The following RAB38 variants were observed in gnomAD, a reference collection of about 807,000 sequenced individuals.
RAB38 encodes the protein ras-related protein Rab-38.
Under a neutral mutation model 18.4 loss-of-function variants are expected in RAB38, and 15 were observed. That is an observed-to-expected ratio of 0.82 (90% confidence interval 0.55 to 1.26). RAB38 has a LOEUF of 1.26. Ranked by LOEUF, RAB38 falls within the 50% of genes most tolerant of loss-of-function variation. RAB38 has a pLI of 0.00. For synonymous variants in RAB38, 101 were observed against 104.4 expected (o/e 0.97, Z 0.20); for missense variants, 294 against 267.4 (o/e 1.10, Z -0.69).
At chr11:88,025,820 GCTGT>G in the RAB38 span, among the ~76,000 whole-genome samples, 306 of 152,192 alleles carry the variant, frequency 2.0e-3, 1 homozygote, top group East Asian at 0.028. Flanking sequence ...CATTCTGTAG[GCTGT>G]CTGTTTACTC....
the RAB38 span, among the ~76,000 whole-genome samples, chr11:87,807,063 G>A: frequency 2.2e-4 from 34 of 152,130 alleles, no homozygotes; most frequent in East Asian, 9.7e-4. Context: ...TCATAGGAGC[G>A]CGAACTCTAT....
the RAB38 span, among the ~76,000 whole-genome samples, chr11:87,855,784 C>T: frequency 6.6e-6 from 1 of 151,716 alleles, no homozygotes; most frequent in East Asian, 1.9e-4. Context: ...ATTTTTGTAT[C>T]ATTTTTATAT....
the RAB38 span, among the ~76,000 whole-genome samples, chr11:87,836,111 T>G: frequency 2.6e-5 from 4 of 152,200 alleles, no homozygotes; most frequent in African/African-American, 4.8e-5. Context: ...GGAATGCTAA[T>G]GAGCAGATTC....
At chr11:88,152,684 A>ATTC (rs1943078093) in intron 1 of RAB38, among the ~76,000 whole-genome samples, 13 of 152,198 alleles carry the variant, frequency 8.5e-5, no homozygotes, top group Admixed American at 3.3e-4. Flanking sequence ...AATGAGAACC[A>ATTC]TGTGACTCAG....
chr11:88,036,743 A>T, the RAB38 span, among the ~76,000 whole-genome samples: 54 of 152,144 alleles, frequency 3.5e-4, no homozygotes, highest in African/African-American at 1.1e-3. Flanking sequence ...TTTACTTGAG[A>T]ACTATTAATA....
At chr11:87,924,556 A>G in the RAB38 span, among the ~76,000 whole-genome samples, 1 of 152,020 alleles carries the variant, frequency 6.6e-6, no homozygotes, top group Admixed American at 6.6e-5. Context: ...CGACCTTATT[A>G]TGATGGAGGA....
the RAB38 span, among the ~76,000 whole-genome samples, chr11:87,917,537 T>G: frequency 2.4e-4 from 36 of 151,062 alleles, no homozygotes; most frequent in African/African-American, 8.0e-4. Flanking sequence ...GTGTTTTTTT[T>G]TTTTTTTTTT....
At chr11:88,071,949 C>T in the RAB38 span, among the ~76,000 whole-genome samples, 1 of 152,188 alleles carries the variant, frequency 6.6e-6, no homozygotes, top group Non-Finnish European at 1.5e-5. Context: ...TACAGCCTCA[C>T]AGGAGAGGCA....
At chr11:88,165,870 A>G (rs1943237894) in intron 1 of RAB38, 1 of 152,088 alleles carries the variant, frequency 6.6e-6, no homozygotes, top group Non-Finnish European at 1.5e-5. Context: ...AAAAATCATG[A>G]AGGAAATTTG....
the RAB38 span, chr11:88,049,987 C>T: frequency 6.6e-6 from 1 of 152,156 alleles, no homozygotes; most frequent in Non-Finnish European, 1.5e-5. Flanking sequence ...GTTTTACAAC[C>T]TTCCATCTAA....
intron 2 of RAB38, among the ~76,000 whole-genome samples, chr11:88,116,269 GT>G (rs1942551564): frequency 6.6e-6 from 1 of 152,262 alleles, no homozygotes; most frequent in African/African-American, 2.4e-5. Context: ...ATTCAGGAAG[GT>G]AAAAAGGGGT....
chr11:87,939,479 A>G, the RAB38 span, among the ~76,000 whole-genome samples: 3 of 152,048 alleles, frequency 2.0e-5, no homozygotes, highest in African/African-American at 7.2e-5. Flanking sequence ...ACTGTTTGAT[A>G]TTTTTCAACT....
chr11:87,847,681 C>T, the RAB38 span, among the ~76,000 whole-genome samples: 1 of 152,034 alleles, frequency 6.6e-6, no homozygotes, highest in African/African-American at 2.4e-5. Flanking sequence ...GAACAAGACT[C>T]ATGCACAGGA....
At chr11:88,061,622 T>A in the RAB38 span, 8 of 152,240 alleles carry the variant, frequency 5.3e-5, no homozygotes, top group Non-Finnish European at 8.8e-5. Flanking sequence ...AAATTTTTTT[T>A]AATAACCTTT....
chr11:87,842,812 GCGCGCACACACACA>G, the RAB38 span, among the ~76,000 whole-genome samples: 1 of 66,208 alleles, frequency 1.5e-5, no homozygotes, highest in Non-Finnish European at 2.9e-5. Flanking sequence ...ACACACACGC[GCGCGCACACACACA>G]CACACACACA....
intron 2 of RAB38, among the ~76,000 whole-genome samples, chr11:88,127,758 A>G (rs1942718033): frequency 6.6e-6 from 1 of 152,222 alleles, no homozygotes; most frequent in South Asian, 2.1e-4. Flanking sequence ...CTGATAGACC[A>G]ATGCTCCCTA....
chr11:87,940,166 C>CAAA, the RAB38 span, among the ~76,000 whole-genome samples: 408 of 127,446 alleles, frequency 3.2e-3, 1 homozygote, highest in Admixed American at 6.1e-3. Flanking sequence ...CCAGATAATA[C>CAAA]AAAAAAAAAA....
At chr11:87,967,215 T>C in the RAB38 span, among the ~76,000 whole-genome samples, 1 of 152,206 alleles carries the variant, frequency 6.6e-6, no homozygotes, top group Non-Finnish European at 1.5e-5. Flanking sequence ...TTTGCAGCAC[T>C]TCTAGCTTGG....
Position 88,175,173 on chromosome 11 carries a change from C to G in RAB38, c.202+10G>C, listed in dbSNP as rs74772715. The G allele has an allele frequency of 3.5e-4, 553 of 1,587,828 alleles. 1 individual carries two copies. The African/African-American group carries it at 4.7e-3, about 13-fold the overall frequency. On this transcript the variant is annotated intron_variant, in intron 1 of 2. Coordinates refer to ENST00000243662, the MANE Select transcript of RAB38 (RefSeq NM_022337.3). ...GCTCTATCCCCCTGACCCCCTCCCC[C>G]CGCGCTCACCTGCGATATCCCAGAG... is the stretch of plus-strand genomic sequence containing the variant.
Sources: allele counts gnomAD v4.1 joint callset (sites outside exome capture counted in the v4.1 genomes callset), GRCh38; gene constraint gnomAD v4.1.1; transcripts MANE v1.5; gene names NCBI Gene and HGNC (gene_info 2026-07-23, HGNC 2026-07-21).